FCN1: variants seen among roughly 807,000 people sequenced by gnomAD.
FCN1 encodes the protein ficolin-1.
FCN1 carries 42 observed loss-of-function variants against 35.6 expected under a neutral mutation model. That is an observed-to-expected ratio of 1.18 (90% CI 0.92 to 1.53). The LOEUF (loss-of-function observed/expected upper bound fraction) is 1.53. FCN1 is among the 40% of genes most tolerant of loss of function. The probability of loss-of-function intolerance (pLI) is 0.00; values close to 1 mark genes in which losing one functional copy is unlikely to be tolerated. For synonymous variants in FCN1, 179 were observed against 169.8 expected, an observed-to-expected ratio of 1.05 and a Z score of -0.42; for missense variants, 439 against 428.4, an observed-to-expected ratio of 1.02 and a Z score of -0.22.
intron 2 of FCN1, among the ~76,000 whole-genome samples, chr9:134,915,711 C>T (rs1440224430): frequency 1.3e-5 from 2 of 152,218 alleles, no homozygotes; most frequent in African/African-American, 4.8e-5. Context: ...TTGAATGCGT[C>T]CAGGCATGGG....
intron 2 of FCN1, among the ~76,000 whole-genome samples, chr9:134,915,968 A>C (rs1020101044): frequency 2.0e-5 from 3 of 152,264 alleles, no homozygotes; most frequent in African/African-American, 7.2e-5. Context: ...GACCTCTTTG[A>C]GTCTCAGTTT....
chr9:134,907,089 G>T lies in FCN1; in HGVS notation c.*2709C>A, dbSNP rs1475859882. On this transcript the variant is annotated 3_prime_UTR_variant, in exon 9 of 9. Coordinates refer to ENST00000371806, the MANE Select transcript of FCN1 (RefSeq NM_002003.5). ...TCTGTCTCAAAAAACAAACTAAAAG[G>T]CATATTTCTATGGCTATTTTATATT... The T allele has an allele frequency of 1.3e-5, 2 of 151,840 alleles. No individual in the cohort carries two copies. Among genetic ancestry groups the T allele is most frequent in the Non-Finnish European group, 2.9e-5 (2 of 67,944 alleles). The allele number at this position is 151,840 out of a possible 1,614,324, so 9.4% of individuals were successfully genotyped here. A position where few individuals can be genotyped will look rare whatever the true frequency, so the allele number is the denominator to read the frequency against.
intron 8 of FCN1, among the ~76,000 whole-genome samples, chr9:134,910,776 C>G (rs1831013570): frequency 6.6e-6 from 1 of 152,212 alleles, no homozygotes; most frequent in South Asian, 2.1e-4. Flanking sequence ...TAGCCAGAGA[C>G]TCCTTTTGGT....
At position 134,907,842 on chromosome 9, in the gene FCN1, C is replaced by T. The variant is rs1588654095; in HGVS notation, c.*1956G>A. 4 of 152,338 alleles carry T rather than the reference C, an allele frequency of 2.6e-5. No individual in the cohort carries two copies. The South Asian group carries it at 8.3e-4, about 32-fold the overall frequency. The allele number at this position is 152,338 out of a possible 1,614,324, so 9.4% of individuals were successfully genotyped here. ...ATCCTTGCATTTTTTAACATCCATTCTCTTCCTGATGGGTATGTCGGCTGA... is the reference window on the plus strand; with the variant it reads ...ATCCTTGCATTTTTTAACATCCATTTTCTTCCTGATGGGTATGTCGGCTGA... On this transcript the variant is annotated 3_prime_UTR_variant, in exon 9 of 9. Transcript: ENST00000371806.
chr9:134,910,711 T>C (rs943132987), intron 8 of FCN1, among the ~76,000 whole-genome samples: 1 of 152,172 alleles, frequency 6.6e-6, no homozygotes, highest in Non-Finnish European at 1.5e-5. Flanking sequence ...ACGAACGATG[T>C]GCACTGGGAA....
chr9:134,914,911 G>T, intron 2 of FCN1, 102 bp from the exon 3 acceptor site: 1 of 829,324 alleles, frequency 1.2e-6, no homozygotes, highest in Non-Finnish European at 2.0e-6. Flanking sequence ...CCCCCACTCT[G>T]CCTTGAACCC....
At position 134,905,519 on chromosome 9, in the gene FCN1, T is replaced by A. The variant is rs1830931865; in HGVS notation, c.*4279A>T. 6.6e-6 allele frequency among the ~76,000 whole-genome samples: 1 copy of A among 152,166 alleles called. No homozygotes were observed. Among genetic ancestry groups the A allele is most frequent in the African/African-American group, 2.4e-5 (1 of 41,428 alleles). On this transcript the variant is annotated 3_prime_UTR_variant, in exon 9 of 9. Transcript: ENST00000371806. ...TTTATTTTGAGACAGAGTCTCGCTC[T>A]GTCGCCCAGGCTGGAGTGCAGTGGT...
chr9:134,917,121 C>T (rs1831101760), intron 1 of FCN1, among the ~76,000 whole-genome samples: 1 of 152,268 alleles, frequency 6.6e-6, no homozygotes, highest in Admixed American at 6.5e-5. Context: ...TCACCGGAGA[C>T]ATGGCACTGC....
At chr9:134,916,953 G>T (rs1831099852) in intron 1 of FCN1, among the ~76,000 whole-genome samples, 1 of 152,218 alleles carries the variant, frequency 6.6e-6, no homozygotes, top group South Asian at 2.1e-4. Context: ...CTGGAGAGGG[G>T]CAGTGTGGGG....
At chr9:134,915,008 G>A (rs2118942226) in intron 2 of FCN1, among the ~76,000 whole-genome samples, 199 bp from the exon 3 acceptor site, 1 of 152,256 alleles carries the variant, frequency 6.6e-6, no homozygotes. Context: ...TGAGGGAGGG[G>A]CCTGCACCCC....
chr9:134,916,875 AT>A (rs1219903861), intron 1 of FCN1, among the ~76,000 whole-genome samples: 3 of 152,206 alleles, frequency 2.0e-5, no homozygotes, highest in Admixed American at 1.3e-4. Context: ...CTGACAAAGC[AT>A]TTTCCCTCCC....
rs1831036396 is a variant in FCN1 at position 134,912,518 on chromosome 9, C to T, written c.566G>A (p.Gly189Glu). 6.2e-7 allele frequency: 1 copy of T among 1,613,974 alleles called. No homozygotes were observed. The highest frequency in any genetic ancestry group is 8.5e-7 in the Non-Finnish European group (1 of 1,179,982). Residue 189 changes from glycine to glutamate, a missense_variant, in exon 7 of 9, where the codon GGG (glycine) becomes GAG (glutamate). Physicochemically the swap from Gly to Glu is moderately conservative, Grantham distance 98. Transcript: ENST00000371806. ...AGTCAGGGCGTGGATGTTGTCATTC[C>T]CCAGCCAGAACTCCCCCAGCTGACT... is the stretch of plus-strand genomic sequence containing the variant. Reference protein sequence around the residue: ...FGSQLGEFWLGNDNIHALTAQ... With the variant: ...FGSQLGEFWLENDNIHALTAQ...
chr9:134,910,404 T>G (rs1475098772), intron 8 of FCN1, among the ~76,000 whole-genome samples: 1 of 152,106 alleles, frequency 6.6e-6, no homozygotes, highest in Non-Finnish European at 1.5e-5. Context: ...CCTTGGTAGG[T>G]TCAGGACAGC....
intron 2 of FCN1, among the ~76,000 whole-genome samples, 158 bp from the exon 3 acceptor site, chr9:134,914,967 C>T (rs906822296): frequency 3.9e-5 from 6 of 152,132 alleles, no homozygotes; most frequent in Non-Finnish European, 8.8e-5. Flanking sequence ...TGGATTTAGC[C>T]TGGGGGTGAC....
At chr9:134,915,535 C>T (rs12001054) in intron 2 of FCN1, among the ~76,000 whole-genome samples, 6,633 of 152,214 alleles carry the variant, frequency 0.044, 471 homozygotes, top group African/African-American at 0.15. Flanking sequence ...AGCAGGGGAT[C>T]GGGACCGCAC....
In FCN1 at chr9:134,910,144, T is replaced by C; in HGVS notation, c.734-99A>G. 1.8e-6 allele frequency: 2 copies of C among 1,123,738 alleles called. 1 individual carries two copies. Among genetic ancestry groups the C allele is most frequent in the East Asian group, 4.7e-5 (2 of 42,440 alleles). The allele number at this position is 1,123,738 out of a possible 1,614,324, so 69.6% of individuals were successfully genotyped here. ...CCTCTGAGCAGAGCCAACCTCACTT[T>C]AGCGACGCATGAGCCGAGCTACAGG... is the stretch of plus-strand genomic sequence containing the variant. On this transcript the variant is annotated intron_variant, in intron 8 of 8. Coordinates refer to ENST00000371806, the MANE Select transcript of FCN1 (RefSeq NM_002003.5).
Position 134,913,608 on chromosome 9 carries a change from C to A in FCN1, c.313G>T (p.Ala105Ser), listed in dbSNP as rs762049552. Residue 105 changes from alanine (A) to serine (S), a missense_variant, in exon 5 of 9, where the codon GCT becomes TCT. By Grantham distance (99) the Ala-to-Ser change is moderately conservative. Coordinates refer to ENST00000371806, the MANE Select transcript of FCN1 (RefSeq NM_002003.5). ...GTCGCACACGACTGAGACTGCCCAG[C>A]GTCTCCTGTGTGGGGAGAGGAGACA... ...EKGMRGEKGD[A>S]GQSQSCATGP... is the part of the protein sequence containing the mutation. 6 of 1,606,188 alleles carry A rather than the reference C, an allele frequency of 3.7e-6. No individual in the cohort carries two copies. In the Admixed American group the frequency reaches 8.5e-5, roughly 23 times the overall value.
At position 134,910,002 on chromosome 9, in the gene FCN1, T is replaced by A; in HGVS notation, c.777A>T (p.Lys259Asn). Reference sequence around the variant, plus strand: ...AAGAACTCACATCATTGTCTTGGTCTTTGGTGGAGAAGAAGTTGTTGTTGT... The same window carrying A: ...AAGAACTCACATCATTGTCTTGGTCATTGGTGGAGAAGAAGTTGTTGTTGT... Reference protein sequence around the residue: ...TGHNNNFFSTKDQDNDVSSSN... With the variant: ...TGHNNNFFSTNDQDNDVSSSN... Residue 259 changes from lysine to asparagine, a missense_variant, in exon 9 of 9, where the codon AAA (lysine) becomes AAT (asparagine). Coordinates refer to ENST00000371806, the MANE Select transcript of FCN1 (RefSeq NM_002003.5). The A allele has an allele frequency of 2.5e-6, 4 of 1,614,066 alleles. No individual in the cohort carries two copies. The highest frequency in any genetic ancestry group is 3.4e-6 in the Non-Finnish European group (4 of 1,179,990).
rs144127766 is a variant in FCN1 at position 134,913,609 on chromosome 9, G to T, written c.312C>A (p.Asp104Glu). 13 of 1,606,264 alleles carry T rather than the reference G, an allele frequency of 8.1e-6. No individual in the cohort carries two copies. The highest frequency in any genetic ancestry group is 1.1e-5 in the Non-Finnish European group (13 of 1,175,484). Reference protein sequence around the residue: ...GEKGMRGEKGDAGQSQSCATG... With the variant: ...GEKGMRGEKGEAGQSQSCATG... The stretch of plus-strand genomic sequence containing the variant: ...TCGCACACGACTGAGACTGCCCAGC[G>T]TCTCCTGTGTGGGGAGAGGAGACAC... The change falls in exon 5 of 9, where the codon GAC (aspartate) becomes GAA (glutamate). Residue 104 changes from aspartate (D) to glutamate (E), a missense_variant. By Grantham distance (45) the Asp-to-Glu change is conservative. Transcript: ENST00000371806.
Sources: gnomAD v4.1 joint callset for allele counts (sites outside exome capture counted in the v4.1 genomes callset) on GRCh38, gnomAD v4.1.1 for gene constraint, MANE v1.5 for transcripts, NCBI Gene and HGNC (gene_info 2026-07-23, HGNC 2026-07-21) for gene names.